The following DNAH3 variants were observed in gnomAD, a reference collection of about 807,000 sequenced individuals.
DNAH3 encodes the protein axonemal beta dynein heavy chain 3.
In DNAH3, 332 loss-of-function variants were observed where a neutral mutation model predicts 432.5. The observed-to-expected ratio is 0.77, with a 90% CI of 0.70 to 0.84. The LOEUF (loss-of-function observed/expected upper bound fraction) is 0.84, where lower values mean the gene tolerates loss of function less well. Among genes scored for constraint, DNAH3 ranks in the 40% least tolerant of loss-of-function variants. DNAH3 has a pLI of 0.00. For synonymous variants in DNAH3, 1,956 were observed against 1,900.2 expected (o/e 1.03, Z -0.76); for missense variants, 4,861 against 5,114.0 (o/e 0.95, Z 1.51).
At chr16:20,963,796 C>A in exon 53 of DNAH3, 1 of 1,613,992 alleles carries the variant, frequency 6.2e-7, no homozygotes, top group Non-Finnish European at 8.5e-7. Flanking sequence ...AAACAGAGAA[C>A]GGCACACGTT....
chr16:21,144,658 A>G (rs1358726119), intron 3 of DNAH3, among the ~76,000 whole-genome samples: 2 of 152,238 alleles, frequency 1.3e-5, no homozygotes, highest in Non-Finnish European at 2.9e-5. Context: ...TATCATGCAA[A>G]CAATAACACA....
At chr16:20,952,956 G>A (rs1032213380) in intron 55 of DNAH3, among the ~76,000 whole-genome samples, 3 of 152,068 alleles carry the variant, frequency 2.0e-5, no homozygotes, top group South Asian at 2.1e-4. Context: ...TCGAGCTCAC[G>A]GGAAAAACTG....
At chr16:21,123,533 G>T (rs544156292) in intron 9 of DNAH3, among the ~76,000 whole-genome samples, 7 of 152,140 alleles carry the variant, frequency 4.6e-5, no homozygotes, top group Non-Finnish European at 1.0e-4. Context: ...TTATAGATTG[G>T]TCTTCTTTAG....
intron 15 of DNAH3, among the ~76,000 whole-genome samples, chr16:21,105,781 A>G (rs2091931731): frequency 6.6e-6 from 1 of 152,130 alleles, no homozygotes; most frequent in African/African-American, 2.4e-5. Context: ...AAAATAAATA[A>G]ATAAAAGATT....
At chr16:21,107,810 C>A (rs2091981952) in intron 14 of DNAH3, among the ~76,000 whole-genome samples, 1 of 152,052 alleles carries the variant, frequency 6.6e-6, no homozygotes, top group Admixed American at 6.6e-5. Context: ...TGGCCCTCAA[C>A]AAATGTTAGC....
chr16:21,017,972 C>T (rs553219324), intron 41 of DNAH3, among the ~76,000 whole-genome samples: 2 of 152,124 alleles, frequency 1.3e-5, no homozygotes, highest in South Asian at 4.1e-4. Flanking sequence ...CTGGTCATCC[C>T]TCTATCCTTC....
intron 4 of DNAH3, 59 bp downstream of exon 5, chr16:21,141,241 C>A: frequency 8.3e-7 from 1 of 1,198,462 alleles, no homozygotes. Flanking sequence ...TTAGTGAGAC[C>A]ACATCCTTCT....
At chr16:21,030,084 T>C (rs973444892) in intron 37 of DNAH3, among the ~76,000 whole-genome samples, 1 of 152,120 alleles carries the variant, frequency 6.6e-6, no homozygotes, top group African/African-American at 2.4e-5. Context: ...TCTCAGCCTC[T>C]AGAAGTGTTA....
chr16:21,065,950 C>T (rs2090528855), intron 24 of DNAH3, among the ~76,000 whole-genome samples: 1 of 151,984 alleles, frequency 6.6e-6, no homozygotes, highest in African/African-American at 2.4e-5. Flanking sequence ...CCTTAGCCTC[C>T]CAAGTAGCTG....
At chr16:21,026,871 C>T (rs9934594) in intron 38 of DNAH3, among the ~76,000 whole-genome samples, 156 bp downstream of exon 38, 2,637 of 151,980 alleles carry the variant, frequency 0.017, 73 homozygotes, top group African/African-American at 0.06. Context: ...CACATATACC[C>T]CCTGGAACCT....
At chr16:21,055,813 A>C (rs536466561) in intron 27 of DNAH3, among the ~76,000 whole-genome samples, 120 of 150,134 alleles carry the variant, frequency 8.0e-4, no homozygotes, top group African/African-American at 2.9e-3. Context: ...AGGCACAAAC[A>C]TGGCTCACTG....
At chr16:21,156,159 ATTCTTATT>A (rs1425423626) in intron 1 of DNAH3, among the ~76,000 whole-genome samples, 2 of 145,418 alleles carry the variant, frequency 1.4e-5, no homozygotes, top group Admixed American at 1.4e-4. Flanking sequence ...TCTGGGAGTT[ATTCTTATT>A]TTATTTTATT....
At chr16:20,936,661 C>A in exon 60 of DNAH3, 1 of 1,598,058 alleles carries the variant, frequency 6.3e-7, no homozygotes, top group South Asian at 1.1e-5. Context: ...GGAAGAAGGT[C>A]AGGCGGGCCA....
At chr16:21,001,336 T>C (rs1344766996) in intron 42 of DNAH3, among the ~76,000 whole-genome samples, 4 of 152,106 alleles carry the variant, frequency 2.6e-5, no homozygotes, top group African/African-American at 9.7e-5. Flanking sequence ...GGGAAGATGA[T>C]TATATCATAC....
intron 51 of DNAH3, among the ~76,000 whole-genome samples, chr16:20,970,419 G>A (rs2085284924): frequency 6.6e-6 from 1 of 152,142 alleles, no homozygotes; most frequent in African/African-American, 2.4e-5. Flanking sequence ...AGCTACTCAG[G>A]AGGCTGAGGT....
rs1231530387 is a variant in DNAH3, at chr16:21,060,394, C to A, written c.3721-38G>T. 6 of 1,543,650 alleles carry A rather than the reference C, an allele frequency of 3.9e-6. No homozygotes were observed. The African/African-American group carries it at 8.2e-5, about 21-fold the overall frequency. The stretch of plus-strand genomic sequence containing the variant: ...ACAGAGAGAGGGTGCAGCAGTCAAC[C>A]AAAGCCCAGAGGGAGGGAGAGTGGG... On this transcript the variant is annotated intron_variant, in intron 25 of 61. Coordinates refer to ENST00000261383, the Ensembl canonical transcript of DNAH3.
chr16:20,960,191 A>T (rs1406886093), intron 53 of DNAH3, among the ~76,000 whole-genome samples: 1 of 152,190 alleles, frequency 6.6e-6, no homozygotes, highest in Non-Finnish European at 1.5e-5. Flanking sequence ...CCACACTAGT[A>T]CATGTATAAA....
At chr16:20,959,610 AAC>A (rs55757849) in intron 53 of DNAH3, among the ~76,000 whole-genome samples, 22,455 of 137,280 alleles carry the variant, frequency 0.16, 1,999 homozygotes, top group East Asian at 0.49. Context: ...TCTCTATTTA[AAC>A]ACACACACAC....
intron 1 of DNAH3, among the ~76,000 whole-genome samples, chr16:21,157,314 C>T (rs1204044023): frequency 6.6e-6 from 1 of 151,096 alleles, no homozygotes; most frequent in Non-Finnish European, 1.5e-5. Flanking sequence ...CACCAGTCCT[C>T]ACTACAACCC....
Sources: gnomAD v4.1 joint callset for allele counts (sites outside exome capture counted in the v4.1 genomes callset) on GRCh38, gnomAD v4.1.1 for gene constraint, MANE v1.5 for transcripts, NCBI Gene and HGNC (gene_info 2026-07-23, HGNC 2026-07-21) for gene names.